The following EPHA10 variants were observed in gnomAD, a reference collection of about 807,000 sequenced individuals.
EPHA10 encodes the protein ephrin type-A receptor 10.
Under a neutral mutation model 109.7 loss-of-function variants are expected in EPHA10, and 120 were observed. The observed-to-expected ratio is 1.09, with a 90% CI of 0.94 to 1.27. EPHA10 has a LOEUF of 1.27. EPHA10 is among the 50% of genes most tolerant of loss of function. The pLI, the probability that EPHA10 is intolerant of heterozygous loss-of-function variation, is 0.00. For missense variants in EPHA10, 1,396 were observed against 1,411.1 expected (o/e 0.99, Z 0.17); for synonymous variants, 640 against 618.9 (o/e 1.03, Z -0.51).
intron 10 of EPHA10, chr1:37,722,754 C>T: frequency 1.9e-6 from 1 of 537,158 alleles, no homozygotes; most frequent in Non-Finnish European, 3.5e-6. Flanking sequence ...TCCCCACTGC[C>T]CCATGAAGGC....
Position 37,761,770 on chromosome 1 carries a change from G to T in EPHA10, c.485C>A (p.Thr162Lys). The T allele has an allele frequency of 6.2e-7, 1 of 1,613,774 alleles. No homozygotes were observed. The highest frequency in any genetic ancestry group is 8.5e-7 in the Non-Finnish European group (1 of 1,179,824). ...CTTGCGCTCACCCAGGTCGCCCTGC[G>T]TGAAGCTCTCGTCCGCCGCGATCGT... is the stretch of plus-strand genomic sequence containing the variant. ...IDTIAADESF[T>K]QGDLGERKMK... Residue 162 changes from threonine (T) to lysine (K), a missense_variant, in exon 3 of 17, where the codon ACG becomes AAG. Coordinates refer to ENST00000373048, the MANE Select transcript of EPHA10 (RefSeq NM_001099439.2).
chr1:37,726,444 G>A (rs995531725), intron 8 of EPHA10, among the ~76,000 whole-genome samples: 2 of 152,200 alleles, frequency 1.3e-5, no homozygotes, highest in Non-Finnish European at 2.9e-5. Context: ...TGGCTCCCCA[G>A]CCCGCCCAGC....
chr1:37,753,635 G>A (rs1646362618), intron 4 of EPHA10, among the ~76,000 whole-genome samples: 1 of 148,012 alleles, frequency 6.8e-6, no homozygotes, highest in Non-Finnish European at 1.5e-5. Context: ...GGGCGGATGA[G>A]CCCGGGGCAA....
Position 37,754,131 on chromosome 1 carries a change from C to T in EPHA10, c.1006+84G>A. 1 of 1,235,148 alleles carries T rather than the reference C, an allele frequency of 8.1e-7. No individual in the cohort carries two copies. The highest frequency in any genetic ancestry group is 1.0e-6 in the Non-Finnish European group (1 of 979,690). The allele number at this position is 1,235,148 out of a possible 1,614,324, so 76.5% of individuals were successfully genotyped here. ...GTGCGCCCCAGTGCGGAGACCCTGC[C>T]CTCACCACCACCTGGATCAGGCCTT... is the stretch of plus-strand genomic sequence containing the variant. On this transcript the variant is annotated intron_variant, in intron 4 of 16. Coordinates refer to ENST00000373048, the MANE Select transcript of EPHA10 (RefSeq NM_001099439.2). The surrounding 1 kb of genome is among the most constrained non-coding windows in gnomAD (Gnocchi z 4.5).
In EPHA10 at chr1:37,754,276, GA is replaced by G; in HGVS notation, c.944del (p.Phe315SerfsTer34). 7.6e-7 allele frequency: 1 copy of G among 1,319,576 alleles called. No individual in the cohort carries two copies. The highest frequency in any genetic ancestry group is 9.7e-7 in the Non-Finnish European group (1 of 1,028,622). 81.7% of individuals were successfully genotyped at this position (1,319,576 alleles called of 1,614,324 possible). A position where few individuals can be genotyped will look rare whatever the true frequency, so the allele number is the denominator to read the frequency against. ...GCGCATAGCTGTCCTGGCACACGCAGAAGGTGGAGGCGTTTTCCAGGGCCCG... is the reference window on the plus strand; with the variant it reads ...GCGCATAGCTGTCCTGGCACACGCAGAGGTGGAGGCGTTTTCCAGGGCCCG... ...HSRALENAST[F>X]CVCQDSYARS... On this transcript the variant is annotated frameshift_variant, in exon 4 of 17. Coordinates refer to ENST00000373048, the MANE Select transcript of EPHA10 (RefSeq NM_001099439.2). LOFTEE classifies it high-confidence loss of function. The surrounding 1 kb of genome is among the most constrained non-coding windows in gnomAD (Gnocchi z 4.5).
rs1645692454 is a variant in EPHA10 at position 37,716,452 on chromosome 1, C to T, written c.*1920G>A. 8.5e-6 allele frequency: 2 copies of T among 233,932 alleles called. No individual in the cohort carries two copies. The highest frequency in any genetic ancestry group is 2.2e-5 in the African/African-American group (1 of 45,286). The allele number at this position is 233,932 out of a possible 1,614,324, so 14.5% of individuals were successfully genotyped here. The stretch of plus-strand genomic sequence containing the variant: ...AGGCGGATCCTGGAGGGCACCTGGC[C>T]GGGGGCTCCCCCAACCCTGACTAAG... On this transcript the variant is annotated 3_prime_UTR_variant, in exon 17 of 17. Coordinates refer to ENST00000373048, the MANE Select transcript of EPHA10 (RefSeq NM_001099439.2).
In EPHA10 at chr1:37,718,681, G is replaced by A. The variant is rs752720753; in HGVS notation, c.2892C>T (p.Ala964=). The A allele has an allele frequency of 1.1e-5, 18 of 1,613,058 alleles. No individual in the cohort carries two copies. The highest frequency in any genetic ancestry group is 1.7e-4 in the Middle Eastern group (1 of 6,060). Residue 964 remains alanine (A), a synonymous_variant, in exon 16 of 17, where the codon GCC becomes GCT. Transcript: ENST00000373048. The part of the protein sequence containing the change: ...FAAAGYGSLE[A]VAEMTAQDLV... The stretch of plus-strand genomic sequence containing the variant: ...CTCACTGGGCAGTCATCTCGGCCAC[G>A]GCCTCCAGGCTCCCATAGCCAGCAG...
rs781429600 is a variant in EPHA10, at chr1:37,718,464, A to G, written c.2935T>C (p.Ser979Pro). 6.2e-7 allele frequency: 1 copy of G among 1,613,424 alleles called. No individual in the cohort carries two copies. Among genetic ancestry groups the G allele is most frequent in the South Asian group, 1.1e-5 (1 of 91,080 alleles). Residue 979 changes from serine (S) to proline (P), a missense_variant, in exon 17 of 17, where the codon TCT (serine) becomes CCT (proline). By Grantham distance (74) the Ser-to-Pro change is moderately conservative. Coordinates refer to ENST00000373048, the MANE Select transcript of EPHA10 (RefSeq NM_001099439.2). The part of the protein sequence containing the change: ...TAQDLVSLGI[S>P]LAEHREALLS... ...AGGGCCTCTCGATGTTCAGCCAAAG[A>G]GATGCCTAGGCTCACCAGGTCCCTG...
chr1:37,714,121 A>T (rs142319354), downstream of EPHA10: 18 of 152,288 alleles, frequency 1.2e-4, 1 homozygote, highest in African/African-American at 4.1e-4. Flanking sequence ...TTAGTATTTA[A>T]CTGGCTCTGA....
chr1:37,761,200 T>C, intron 3 of EPHA10: 1 of 1,471,316 alleles, frequency 6.8e-7, no homozygotes, highest in Admixed American at 2.5e-5. Flanking sequence ...AGCCAGTCAA[T>C]TTCATCTAGT....
At chr1:37,756,438 A>T (rs1646392884) in intron 3 of EPHA10, 1 of 152,308 alleles carries the variant, frequency 6.6e-6, no homozygotes, top group African/African-American at 2.4e-5. Flanking sequence ...CCACAGTGGT[A>T]TCTCTGCTGT....
intron 7 of EPHA10, among the ~76,000 whole-genome samples, chr1:37,729,233 C>T (rs1645942197): frequency 6.6e-6 from 1 of 152,154 alleles, no homozygotes; most frequent in Admixed American, 6.5e-5. Flanking sequence ...ATGATCACAG[C>T]CCCTGAGGAC....
chr1:37,714,877 G>C (rs1645669683), downstream of EPHA10: 1 of 152,206 alleles, frequency 6.6e-6, no homozygotes, highest in African/African-American at 2.4e-5. Context: ...CCAGAGCTGT[G>C]GGACAGTAAA....
At chr1:37,722,898 T>C (rs1276246962) in intron 10 of EPHA10, 143 bp downstream of exon 10, 7 of 1,252,200 alleles carry the variant, frequency 5.6e-6, no homozygotes, top group Admixed American at 1.8e-5. Flanking sequence ...GTGGGCTTGG[T>C]GTGGAGGCAG....
Position 37,764,054 on chromosome 1 carries a change from A to C in EPHA10, c.106+907T>G, listed in dbSNP as rs992310849. Among the ~76,000 whole-genome samples the C allele has an allele frequency of 6.6e-6, 1 of 152,198 alleles. No homozygotes were observed. The highest frequency in any genetic ancestry group is 1.5e-5 in the Non-Finnish European group (1 of 68,034). On this transcript the variant is annotated intron_variant, in intron 1 of 16. Coordinates refer to ENST00000373048, the MANE Select transcript of EPHA10 (RefSeq NM_001099439.2). This position sits in a 1 kb window ranked among gnomAD's most constrained non-coding sequence, Gnocchi z 5.8. Reference sequence around the variant, plus strand: ...ATGGATCACAGAAAATGGTTTGGACAGCAGAGTCCGCAGACCAGAGACAGG... The same window carrying C: ...ATGGATCACAGAAAATGGTTTGGACCGCAGAGTCCGCAGACCAGAGACAGG...
chr1:37,729,876 A>C (rs1373544539), intron 7 of EPHA10, among the ~76,000 whole-genome samples: 1 of 151,924 alleles, frequency 6.6e-6, no homozygotes, highest in African/African-American at 2.4e-5. Context: ...CTACCTCAAA[A>C]AAAAAAAAAA....
At position 37,716,489 on chromosome 1, in the gene EPHA10, A is replaced by T; in HGVS notation, c.*1883T>A. The T allele has an allele frequency of 4.3e-6, 1 of 232,900 alleles. No individual in the cohort carries two copies. The highest frequency in any genetic ancestry group is 8.5e-6 in the Non-Finnish European group (1 of 117,960). The allele number at this position is 232,900 out of a possible 1,614,324, so 14.4% of individuals were successfully genotyped here. A position where few individuals can be genotyped will look rare whatever the true frequency, so the allele number is the denominator to read the frequency against. ...CAACCCTGACTAAGGTGGTAGCAAC[A>T]TCTTGGTCTCCCCAGTACCCCCAGA... On this transcript the variant is annotated 3_prime_UTR_variant, in exon 17 of 17. Transcript: ENST00000373048.
intron 6 of EPHA10, 102 bp downstream of exon 6, chr1:37,735,155 G>T: frequency 6.9e-7 from 1 of 1,450,738 alleles, no homozygotes; most frequent in Non-Finnish European, 9.4e-7. Flanking sequence ...TGTTTACAAA[G>T]GGAGTAACGA....
chr1:37,718,590 C>A (rs943126910), intron 16 of EPHA10, 71 bp downstream of exon 16: 129 of 1,612,366 alleles, frequency 8.0e-5, no homozygotes, highest in Non-Finnish European at 1.1e-4. Flanking sequence ...GTTGGGACTC[C>A]CCAGTATAGG....
Sources: allele counts gnomAD v4.1 joint callset (sites outside exome capture counted in the v4.1 genomes callset), GRCh38; gene constraint gnomAD v4.1.1; non-coding constraint Gnocchi (gnomAD v3.1); transcripts MANE v1.5; gene names NCBI Gene and HGNC (gene_info 2026-07-23, HGNC 2026-07-21).